PDE4D: variants seen among roughly 807,000 people sequenced by gnomAD.
PDE4D encodes phosphodiesterase 4D.
In PDE4D, 24 loss-of-function variants were observed where a neutral mutation model predicts 87.4. The observed-to-expected ratio is 0.27, with a 90% CI of 0.20 to 0.39. PDE4D has a LOEUF of 0.39. PDE4D is among the 10% of genes least tolerant of loss of function. The pLI, the probability that PDE4D is intolerant of heterozygous loss-of-function variation, is 1.00. For synonymous variants in PDE4D, 384 were observed against 383.2 expected, an observed-to-expected ratio of 1.00 and a Z score of -0.02; for missense variants, 714 against 1,041.0, an observed-to-expected ratio of 0.69 and a Z score of 4.32.
At chr5:60,003,987 T>A (rs1368792955) in intron 2 of PDE4D, among the ~76,000 whole-genome samples, 1 of 152,106 alleles carries the variant, frequency 6.6e-6, no homozygotes, top group Non-Finnish European at 1.5e-5. Flanking sequence ...TGCAAAAGAA[T>A]GAAATTGTAT....
intron 1 of PDE4D, among the ~76,000 whole-genome samples, chr5:60,306,471 C>T (rs140912202): frequency 3.3e-5 from 5 of 151,722 alleles, no homozygotes; most frequent in African/African-American, 7.2e-5. Context: ...GTCACAGGAA[C>T]GAATCAATAA....
intron 1 of PDE4D, among the ~76,000 whole-genome samples, chr5:59,773,190 AC>A (rs1220502373): frequency 3.3e-5 from 5 of 152,170 alleles, no homozygotes; most frequent in Admixed American, 2.0e-4. Context: ...TTGCAATCAT[AC>A]TTAGGGTGTT....
chr5:59,224,983 A>G (rs996766291), intron 1 of PDE4D, among the ~76,000 whole-genome samples: 3 of 152,188 alleles, frequency 2.0e-5, no homozygotes, highest in Non-Finnish European at 4.4e-5. Flanking sequence ...GAAAGCCCCA[A>G]CCAAAAATTG....
intron 5 of PDE4D, chr5:59,157,222 A>C: frequency 1.5e-6 from 1 of 683,230 alleles, no homozygotes. Context: ...GTTAAAACTG[A>C]AGCCTAGTAA....
intron 1 of PDE4D, among the ~76,000 whole-genome samples, chr5:59,657,698 C>G (rs1448691980): frequency 2.0e-5 from 3 of 152,044 alleles, no homozygotes; most frequent in African/African-American, 7.2e-5. Flanking sequence ...GAATATTATT[C>G]AATAAAATCG....
chr5:59,337,605 T>C (rs1040251580), intron 1 of PDE4D, among the ~76,000 whole-genome samples: 6 of 152,186 alleles, frequency 3.9e-5, no homozygotes, highest in Admixed American at 3.9e-4. Context: ...ATTATTATTA[T>C]TTCAATTTAC....
At chr5:60,053,142 C>T (rs1293261062) in intron 2 of PDE4D, among the ~76,000 whole-genome samples, 1 of 152,138 alleles carries the variant, frequency 6.6e-6, no homozygotes, top group African/African-American at 2.4e-5. Context: ...TCAATGCTAT[C>T]CCCATCAAGC....
At chr5:59,729,940 A>G (rs999431193) in intron 1 of PDE4D, among the ~76,000 whole-genome samples, 36 of 152,124 alleles carry the variant, frequency 2.4e-4, no homozygotes, top group African/African-American at 8.7e-4. Flanking sequence ...TGTACAAAAT[A>G]GCCCCAGAAT....
chr5:59,603,386 A>T (rs796204495), intron 1 of PDE4D, among the ~76,000 whole-genome samples: 2 of 152,146 alleles, frequency 1.3e-5, no homozygotes, highest in African/African-American at 4.8e-5. Context: ...CAACAGACAT[A>T]TGAAAAACTA....
At chr5:60,072,314 T>A (rs1772814006) in intron 2 of PDE4D, among the ~76,000 whole-genome samples, 1 of 152,306 alleles carries the variant, frequency 6.6e-6, no homozygotes, top group Middle Eastern at 3.4e-3. Context: ...ACGTACTTTT[T>A]TTGCAAAGTG....
intron 1 of PDE4D, among the ~76,000 whole-genome samples, chr5:59,718,588 G>T (rs1755363458): frequency 6.6e-6 from 1 of 152,064 alleles, no homozygotes; most frequent in Non-Finnish European, 1.5e-5. Context: ...TTTCTTCAGG[G>T]CCCTCATAAA....
At chr5:60,109,082 C>A (rs7737996) in intron 2 of PDE4D, among the ~76,000 whole-genome samples, 110,798 of 148,958 alleles carry the variant, frequency 0.74, 42,789 homozygotes, top group African/African-American at 0.93. Flanking sequence ...CAACCTACAA[C>A]ATGGGAGAAA....
chr5:60,419,406 T>C (rs1248699918), intron 1 of PDE4D, among the ~76,000 whole-genome samples: 1 of 151,988 alleles, frequency 6.6e-6, no homozygotes, highest in Non-Finnish European at 1.5e-5. Flanking sequence ...CATGCTATCA[T>C]TTATGTGAGG....
intron 2 of PDE4D, among the ~76,000 whole-genome samples, chr5:59,211,362 T>C (rs947473704): frequency 6.6e-6 from 1 of 152,196 alleles, no homozygotes; most frequent in East Asian, 1.9e-4. Flanking sequence ...TTTAGCCTAG[T>C]GCTATATACT....
intron 1 of PDE4D, among the ~76,000 whole-genome samples, chr5:59,755,014 T>A (rs1226768487): frequency 6.6e-6 from 1 of 152,022 alleles, no homozygotes; most frequent in Non-Finnish European, 1.5e-5. Context: ...GAAGTATCAG[T>A]GGTTCAGGTT....
chr5:59,781,764 G>T lies in PDE4D; in HGVS notation c.455+111404C>A, dbSNP rs983501457. ...CGCACCACTGCACTCCAGCCTGGGC[G>T]ACAGAGCGACACTCCATCTCAAAAA... On this transcript the variant is annotated intron_variant, in intron 1 of 14. Coordinates refer to ENST00000340635, the MANE Select transcript of PDE4D (RefSeq NM_001104631.2). Among the ~76,000 whole-genome samples the T allele has an allele frequency of 2.2e-4, 27 of 120,130 alleles. No individual in the cohort carries two copies. In the Admixed American group the frequency reaches 2.8e-3, roughly 12 times the overall value. The allele number at this position is 120,130 out of a possible 152,430, so 78.8% of individuals were successfully genotyped here.
chr5:59,263,569 T>C (rs1762380174), intron 1 of PDE4D, among the ~76,000 whole-genome samples: 1 of 152,010 alleles, frequency 6.6e-6, no homozygotes, highest in Admixed American at 6.6e-5. Flanking sequence ...ATTATTTAAA[T>C]AGAAAATCTG....
At chr5:60,204,873 C>A (rs1051712457) in intron 1 of PDE4D, among the ~76,000 whole-genome samples, 4 of 152,186 alleles carry the variant, frequency 2.6e-5, no homozygotes, top group Non-Finnish European at 5.9e-5. Flanking sequence ...TTTACTCCCC[C>A]ATAAGGTGGG....
intron 5 of PDE4D, among the ~76,000 whole-genome samples, chr5:59,043,320 A>G (rs1180137841): frequency 2.0e-5 from 3 of 152,194 alleles, no homozygotes; most frequent in Admixed American, 2.0e-4. Flanking sequence ...TCAAGAGATC[A>G]AGACCATCCT....
Sources: gnomAD v4.1 joint callset for allele counts (sites outside exome capture counted in the v4.1 genomes callset) on GRCh38, gnomAD v4.1.1 for gene constraint, MANE v1.5 for transcripts, NCBI Gene and HGNC (gene_info 2026-07-23, HGNC 2026-07-21) for gene names.